The following CEP63 variants were observed in gnomAD, a reference collection of about 807,000 sequenced individuals.
The protein encoded by CEP63 is centrosomal protein 63, also known as centrosomal protein of 63 kDa.
Under a neutral mutation model 89.1 loss-of-function variants are expected in CEP63, and 84 were observed. That is an observed-to-expected ratio of 0.94 (90% CI 0.79 to 1.13). CEP63 has a LOEUF of 1.13. Ranked by LOEUF, CEP63 falls within the 50% of genes most tolerant of loss-of-function variation. CEP63 has a pLI of 0.00. For missense variants in CEP63, 838 were observed against 813.3 expected (o/e 1.03, Z -0.37); for synonymous variants, 267 against 272.5 (o/e 0.98, Z 0.20).
At chr3:134,577,855 G>A (rs1374349002), downstream of CEP63, among the ~76,000 whole-genome samples, 2 of 152,044 alleles carry the variant, frequency 1.3e-5, no homozygotes, top group Non-Finnish European at 2.9e-5. Context: ...TCCCACATAT[G>A]AGTGAGAACA....
chr3:134,760,707 A>G, the CEP63 span, among the ~76,000 whole-genome samples: 2 of 152,230 alleles, frequency 1.3e-5, no homozygotes, highest in Admixed American at 6.5e-5. Flanking sequence ...TTACATAGCT[A>G]TAATAGTTGG....
chr3:134,551,181 AAT>A (rs146463250), intron 11 of CEP63, among the ~76,000 whole-genome samples: 2,462 of 152,300 alleles, frequency 0.016, 55 homozygotes, highest in African/African-American at 0.055. Context: ...TTGTATGGGT[AAT>A]AGTCAATTCC....
At chr3:134,690,743 A>ATTTTT in the CEP63 span, among the ~76,000 whole-genome samples, 3 of 120,794 alleles carry the variant, frequency 2.5e-5, no homozygotes, top group African/African-American at 7.0e-5. Flanking sequence ...GAAGACCAAG[A>ATTTTT]TTTTTTTTTT....
At chr3:134,739,424 A>G in the CEP63 span, among the ~76,000 whole-genome samples, 126 of 152,344 alleles carry the variant, frequency 8.3e-4, 3 homozygotes, top group South Asian at 0.026. Context: ...TTCCTCCAGC[A>G]ATCAAGAAAC....
At chr3:134,524,607 T>C (rs1048176410) in intron 3 of CEP63, among the ~76,000 whole-genome samples, 2 of 152,222 alleles carry the variant, frequency 1.3e-5, no homozygotes, top group African/African-American at 4.8e-5. Context: ...TTGAATTTTA[T>C]CAAAAGCCTT....
At chr3:134,640,045 C>A in the CEP63 span, 1 of 154,652 alleles carries the variant, frequency 6.5e-6, no homozygotes, top group Admixed American at 6.5e-5. Flanking sequence ...ACCCACACAC[C>A]CACTACAGAT....
chr3:134,547,628 T>TTTTTTTTTTTTTTTTTTTTTTA (rs1182808443), intron 9 of CEP63, among the ~76,000 whole-genome samples, 156 bp downstream of exon 9: 1 of 122,610 alleles, frequency 8.2e-6, no homozygotes, highest in Non-Finnish European at 1.7e-5. Context: ...TTTTTTTTTT[T>TTTTTTTTTTTTTTTTTTTTTTA]TGAGACGGAG....
the CEP63 span, among the ~76,000 whole-genome samples, chr3:134,728,309 C>T: frequency 1.3e-5 from 2 of 152,112 alleles, no homozygotes; most frequent in East Asian, 1.9e-4. Context: ...ATTTCAACAA[C>T]TTTAGATTTT....
At chr3:134,747,828 C>T in the CEP63 span, among the ~76,000 whole-genome samples, 1 of 152,170 alleles carries the variant, frequency 6.6e-6, no homozygotes, top group African/African-American at 2.4e-5. Context: ...CTCTGTTTCC[C>T]AGGCTGGAGT....
intron 1 of CEP63, among the ~76,000 whole-genome samples, chr3:134,492,070 CTTTTTTTTTT>C (rs74269453): frequency 1.5e-4 from 16 of 103,674 alleles, no homozygotes; most frequent in South Asian, 1.3e-3. Context: ...TATTTGTATT[CTTTTTTTTTT>C]TTTTTTTTTT....
intron 12 of CEP63, chr3:134,552,646 T>TATC (rs1227532373): frequency 6.6e-6 from 1 of 150,970 alleles, no homozygotes. Context: ...TAGATGGTGG[T>TATC]ATTATTATTA....
At chr3:134,620,737 A>T in the CEP63 span, 1 of 1,602,000 alleles carries the variant, frequency 6.2e-7, no homozygotes, top group Non-Finnish European at 8.5e-7. Context: ...GAAATTCCAC[A>T]GGGGGGCCTA....
the CEP63 span, among the ~76,000 whole-genome samples, chr3:134,759,816 C>T: frequency 6.6e-6 from 1 of 152,160 alleles, no homozygotes. Context: ...ATTGTGTTTG[C>T]AAGGTGCCTG....
At chr3:134,517,991 A>G (rs1427009130) in intron 3 of CEP63, among the ~76,000 whole-genome samples, 2 of 152,220 alleles carry the variant, frequency 1.3e-5, no homozygotes, top group Non-Finnish European at 1.5e-5. Flanking sequence ...GAAAACTTCC[A>G]AAAGAAAACT....
chr3:134,690,935 G>A, the CEP63 span, among the ~76,000 whole-genome samples: 95,616 of 151,786 alleles, frequency 0.63, 31,104 homozygotes, highest in East Asian at 0.91. Flanking sequence ...TTTTGGTAGA[G>A]ACGGGGTTTT....
chr3:134,529,189 G>A (rs1371428934), intron 3 of CEP63, among the ~76,000 whole-genome samples: 5 of 151,948 alleles, frequency 3.3e-5, no homozygotes, highest in African/African-American at 1.2e-4. Context: ...TAAATGGTAA[G>A]CATTTTTCAT....
chr3:134,657,925 C>G, the CEP63 span, among the ~76,000 whole-genome samples: 5 of 152,122 alleles, frequency 3.3e-5, no homozygotes, highest in African/African-American at 1.2e-4. Flanking sequence ...GAGATGAAGT[C>G]TCGTTCTGTC....
At chr3:134,775,845 C>T in the CEP63 span, among the ~76,000 whole-genome samples, 1 of 152,132 alleles carries the variant, frequency 6.6e-6, no homozygotes. Context: ...GGAATGGTGC[C>T]TCTTCTTTTC....
chr3:134,646,608 A>T, the CEP63 span, among the ~76,000 whole-genome samples: 1 of 152,324 alleles, frequency 6.6e-6, no homozygotes, highest in East Asian at 1.9e-4. Context: ...CATTATTGTC[A>T]GAAGGATGGT....
Sources: gnomAD v4.1 joint callset for allele counts (sites outside exome capture counted in the v4.1 genomes callset) on GRCh38, gnomAD v4.1.1 for gene constraint, MANE v1.5 for transcripts, NCBI Gene and HGNC (gene_info 2026-07-23, HGNC 2026-07-21) for gene names.